The following GRIK2 variants were observed in gnomAD, a reference collection of about 807,000 sequenced individuals.
The protein encoded by GRIK2 is glutamate receptor ionotropic, kainate 2.
GRIK2 carries 32 observed loss-of-function variants against 100.3 expected under a neutral mutation model. The ratio of observed to expected loss-of-function variants is 0.32; its 90% CI spans 0.24 to 0.43. The LOEUF is 0.43. Ranked by LOEUF, GRIK2 falls within the 20% of genes least tolerant of loss-of-function variation. The pLI, the probability that GRIK2 is intolerant of heterozygous loss-of-function variation, is 1.00. For synonymous variants in GRIK2, 417 were observed against 389.4 expected (o/e 1.07, Z -0.83); for missense variants, 843 against 1,114.9 (o/e 0.76, Z 3.47).
At chr6:101,542,224 T>C (rs1010247661) in intron 2 of GRIK2, among the ~76,000 whole-genome samples, 1 of 151,962 alleles carries the variant, frequency 6.6e-6, no homozygotes, top group Non-Finnish European at 1.5e-5. Flanking sequence ...CTTTGAGAGA[T>C]TTTTCTTGTA....
chr6:101,816,758 T>C (rs547000689), intron 9 of GRIK2, among the ~76,000 whole-genome samples: 1 of 152,004 alleles, frequency 6.6e-6, no homozygotes, highest in Admixed American at 6.6e-5. Flanking sequence ...TCAACAGGCA[T>C]TCTAGTTTTG....
chr6:101,857,589 G>A (rs897117660), intron 10 of GRIK2, among the ~76,000 whole-genome samples: 1 of 152,184 alleles, frequency 6.6e-6, no homozygotes, highest in African/African-American at 2.4e-5. Context: ...CACATTCCTA[G>A]GTGGACTGGC....
intron 6 of GRIK2, among the ~76,000 whole-genome samples, chr6:101,683,120 T>C (rs1771409340): frequency 6.6e-6 from 1 of 152,072 alleles, no homozygotes; most frequent in East Asian, 1.9e-4. Flanking sequence ...GGAGAATTGC[T>C]TGGACCTGGG....
intron 9 of GRIK2, among the ~76,000 whole-genome samples, chr6:101,808,148 G>A (rs542716193): frequency 3.9e-4 from 59 of 152,018 alleles, no homozygotes; most frequent in Non-Finnish European, 3.5e-4. Context: ...AAAACTGATG[G>A]CATAAGATGT....
chr6:101,824,679 T>A (rs925058320), intron 10 of GRIK2, among the ~76,000 whole-genome samples: 2 of 152,218 alleles, frequency 1.3e-5, no homozygotes, highest in Admixed American at 1.3e-4. Context: ...CAGAAAAGCA[T>A]TTATTGTCAA....
At chr6:102,019,251 A>G (rs1769297634) in intron 14 of GRIK2, among the ~76,000 whole-genome samples, 1 of 151,996 alleles carries the variant, frequency 6.6e-6, no homozygotes, top group Non-Finnish European at 1.5e-5. Flanking sequence ...TATCTTTTAG[A>G]TGGATGGTGT....
At chr6:101,906,069 A>G (rs1438612264) in intron 12 of GRIK2, among the ~76,000 whole-genome samples, 2 of 151,750 alleles carry the variant, frequency 1.3e-5, no homozygotes, top group Non-Finnish European at 3.0e-5. Flanking sequence ...ATAATAAATC[A>G]TATACAAAAT....
Position 101,912,358 on chromosome 6 carries a change from A to G in GRIK2, c.1749-12243A>G, listed in dbSNP as rs529804699. Among the ~76,000 whole-genome samples, 57 of 151,556 alleles carry G rather than the reference A, an allele frequency of 3.8e-4. 1 individual carries two copies. The highest frequency in any genetic ancestry group is 1.2e-3 in the African/African-American group (50 of 41,448). ...CTTAAGAAGTGTTTTAGCTCCCACTACTTAGCATTAATAAGTGTGAAAGGG... is the reference window on the plus strand; with the variant it reads ...CTTAAGAAGTGTTTTAGCTCCCACTGCTTAGCATTAATAAGTGTGAAAGGG... On this transcript the variant is annotated intron_variant, in intron 12 of 16. Transcript: ENST00000369134.
At chr6:101,459,048 C>T (rs965037034) in intron 2 of GRIK2, among the ~76,000 whole-genome samples, 21 of 151,798 alleles carry the variant, frequency 1.4e-4, no homozygotes, top group African/African-American at 4.8e-4. Context: ...GGGAAAAATT[C>T]TCTGCTGCTT....
intron 14 of GRIK2, among the ~76,000 whole-genome samples, chr6:101,949,095 T>C (rs549413690): frequency 6.6e-6 from 1 of 152,296 alleles, no homozygotes; most frequent in East Asian, 1.9e-4. Context: ...AACTTTATGA[T>C]AAAAATAATG....
chr6:101,664,297 AG>A (rs1759801124), intron 4 of GRIK2, among the ~76,000 whole-genome samples: 1 of 152,234 alleles, frequency 6.6e-6, no homozygotes, highest in Non-Finnish European at 1.5e-5. Flanking sequence ...AATAGATAAT[AG>A]GATGGGTCTA....
At chr6:101,891,531 A>T (rs1299908237) in intron 12 of GRIK2, 2 of 394,552 alleles carry the variant, frequency 5.1e-6, no homozygotes, top group Admixed American at 3.2e-5. Context: ...AAAAAAAAAA[A>T]AAAAAAGGTG....
intron 7 of GRIK2, among the ~76,000 whole-genome samples, chr6:101,708,041 C>T (rs1370842028): frequency 6.6e-6 from 1 of 151,602 alleles, no homozygotes; most frequent in African/African-American, 2.4e-5. Flanking sequence ...TTCCCAATTG[C>T]TTTTCTGGGC....
chr6:101,686,324 G>C lies in GRIK2; in HGVS notation c.922G>C (p.Asp308His). The C allele has an allele frequency of 1.9e-6, 3 of 1,613,434 alleles. No individual in the cohort carries two copies. The highest frequency in any genetic ancestry group is 2.5e-6 in the Non-Finnish European group (3 of 1,179,514). ...ACGATTGCAGGCACCTCCGAAACCC[G>C]ATTCAGGTTTGCTGGATGGATTTAT... ...MERLQAPPKP[D>H]SGLLDGFMTT... The change falls in exon 7 of 17, where the codon GAT becomes CAT. Residue 308 changes from aspartate to histidine, a missense_variant. Transcript: ENST00000369134.
chr6:101,783,306 C>T (rs898287121), intron 7 of GRIK2, among the ~76,000 whole-genome samples: 16 of 149,406 alleles, frequency 1.1e-4, no homozygotes, highest in African/African-American at 3.5e-4. Context: ...GTGACAGTTT[C>T]CCATTTGCAT....
At chr6:101,632,122 A>G (rs1228896019) in intron 4 of GRIK2, among the ~76,000 whole-genome samples, 1 of 152,098 alleles carries the variant, frequency 6.6e-6, no homozygotes, top group Non-Finnish European at 1.5e-5. Flanking sequence ...TTGCACAAAC[A>G]CACTCAGGCA....
chr6:101,544,840 A>G (rs945475748), intron 2 of GRIK2, among the ~76,000 whole-genome samples: 3 of 152,198 alleles, frequency 2.0e-5, no homozygotes, highest in Non-Finnish European at 2.9e-5. Flanking sequence ...GGTGAAATTA[A>G]AACTCTGGTC....
At chr6:101,877,525 G>A (rs912917832) in intron 11 of GRIK2, among the ~76,000 whole-genome samples, 5 of 151,798 alleles carry the variant, frequency 3.3e-5, no homozygotes, top group Admixed American at 2.0e-4. Flanking sequence ...TTTGGTATTC[G>A]ACAGGGGCCC....
At chr6:102,054,157 C>G (rs1481156399) in intron 15 of GRIK2, among the ~76,000 whole-genome samples, 1 of 152,128 alleles carries the variant, frequency 6.6e-6, no homozygotes, top group Non-Finnish European at 1.5e-5. Context: ...TGATGTTAAA[C>G]AACTTTTCAG....
Sources: allele counts gnomAD v4.1 joint callset (sites outside exome capture counted in the v4.1 genomes callset), GRCh38; gene constraint gnomAD v4.1.1; transcripts MANE v1.5; gene names NCBI Gene and HGNC (gene_info 2026-07-23, HGNC 2026-07-21).